The following CAMK2A variants were observed in gnomAD, a reference collection of about 807,000 sequenced individuals.
CAMK2A encodes calcium/calmodulin dependent protein kinase II alpha.
In CAMK2A, 7 loss-of-function variants were observed where a neutral mutation model predicts 79.2. That is an observed-to-expected ratio of 0.09 (90% CI 0.05 to 0.17). The LOEUF (loss-of-function observed/expected upper bound fraction) is 0.17. CAMK2A is among the 10% of genes least tolerant of loss of function. The pLI is 1.00. For synonymous variants in CAMK2A, 242 were observed against 251.7 expected (o/e 0.96, Z 0.36); for missense variants, 214 against 646.4 (o/e 0.33, Z 7.25).
chr5:150,287,649 G>A (rs1339900882), intron 1 of CAMK2A, among the ~76,000 whole-genome samples: 1 of 152,074 alleles, frequency 6.6e-6, no homozygotes, highest in Non-Finnish European at 1.5e-5. Context: ...TACTCATGAC[G>A]CAGTCCTGCC....
rs1427326823 is a variant in CAMK2A at position 150,222,283 on chromosome 5, G to A, written c.*427C>T. On this transcript the variant is annotated 3_prime_UTR_variant, in exon 19 of 19. Coordinates refer to ENST00000671881, the MANE Select transcript of CAMK2A (RefSeq NM_015981.4). ...TCATCTGCCCTTCCCCGGGGACACTGGAAGAGGAGAGGTCTGGGAGAGGGA... is the reference window on the plus strand; with the variant it reads ...TCATCTGCCCTTCCCCGGGGACACTAGAAGAGGAGAGGTCTGGGAGAGGGA... 5.2e-6 allele frequency: 3 copies of A among 579,682 alleles called. No individual in the cohort carries two copies. Among genetic ancestry groups the A allele is most frequent in the Non-Finnish European group, 9.3e-6 (3 of 323,562 alleles). 35.9% of individuals were successfully genotyped at this position (579,682 alleles called of 1,614,324 possible). A position where few individuals can be genotyped will look rare whatever the true frequency, so the allele number is the denominator to read the frequency against.
At chr5:150,248,328 T>A (rs1755664315) in intron 11 of CAMK2A, among the ~76,000 whole-genome samples, 1 of 143,808 alleles carries the variant, frequency 7.0e-6, no homozygotes. Flanking sequence ...GTTTTTTATT[T>A]TATATATATA....
intron 2 of CAMK2A, among the ~76,000 whole-genome samples, chr5:150,266,745 C>A (rs1368245713): frequency 1.3e-5 from 2 of 152,118 alleles, no homozygotes; most frequent in Non-Finnish European, 2.9e-5. Flanking sequence ...CTCCACTTGC[C>A]CCCAATTCCC....
At chr5:150,236,246 T>C (rs1257203666) in intron 15 of CAMK2A, among the ~76,000 whole-genome samples, 1 of 152,216 alleles carries the variant, frequency 6.6e-6, no homozygotes, top group Non-Finnish European at 1.5e-5. Context: ...TAATAGTGCA[T>C]ACAAATTTGG....
At chr5:150,237,939 G>T (rs1435363703) in intron 15 of CAMK2A, among the ~76,000 whole-genome samples, 1 of 151,180 alleles carries the variant, frequency 6.6e-6, no homozygotes, top group Non-Finnish European at 1.5e-5. Context: ...GGCATCTTTG[G>T]TGGGTCTTAG....
chr5:150,270,857 G>A (rs1447610923), intron 2 of CAMK2A, among the ~76,000 whole-genome samples: 1 of 152,176 alleles, frequency 6.6e-6, no homozygotes, highest in Admixed American at 6.5e-5. Flanking sequence ...TGTCCCAGGA[G>A]TGCTTAGTCA....
At chr5:150,241,759 T>A (rs1184900937) in intron 13 of CAMK2A, among the ~76,000 whole-genome samples, 1 of 143,974 alleles carries the variant, frequency 6.9e-6, no homozygotes, top group African/African-American at 2.6e-5. Context: ...TCTCTTTTCT[T>A]CCTCTCTTCT....
chr5:150,253,578 G>A (rs777013530), intron 6 of CAMK2A, 32 bp from the exon 7 acceptor site: 1 of 1,562,090 alleles, frequency 6.4e-7, no homozygotes, highest in Non-Finnish European at 8.8e-7. Flanking sequence ...GGAGGAAGGG[G>A]AGGAAAGCGC....
At chr5:150,245,046 G>C in intron 13 of CAMK2A, 115 bp downstream of exon 13, 1 of 1,029,824 alleles carries the variant, frequency 9.7e-7, no homozygotes, top group East Asian at 2.5e-5. Context: ...TGTGGCCCAC[G>C]TCTGCCCAGG....
At chr5:150,246,926 G>A (rs1453187085) in intron 12 of CAMK2A, among the ~76,000 whole-genome samples, 1 of 152,216 alleles carries the variant, frequency 6.6e-6, no homozygotes, top group African/African-American at 2.4e-5. Context: ...GGGCCCCTCG[G>A]GTGAGCTTTG....
Position 150,222,537 on chromosome 5 carries a change from G to A in CAMK2A, c.*173C>T. On this transcript the variant is annotated 3_prime_UTR_variant, in exon 19 of 19. Transcript: ENST00000671881. ...AGATGTGGCCGTTCGCTCTGAAGTT[G>A]CGATGACTTTTGTGAACAAGCAGGT... 1.3e-6 allele frequency: 1 copy of A among 750,900 alleles called. No individual in the cohort carries two copies. Among genetic ancestry groups the A allele is most frequent in the Non-Finnish European group, 2.3e-6 (1 of 426,088 alleles). The allele number at this position is 750,900 out of a possible 1,614,324, so 46.5% of individuals were successfully genotyped here.
chr5:150,245,247 C>G (rs769415666), intron 12 of CAMK2A, 46 bp from the exon 13 acceptor site: 77 of 1,590,878 alleles, frequency 4.8e-5, no homozygotes, highest in Non-Finnish European at 6.1e-5. Context: ...AGGCAGGGCA[C>G]CAGGGCCCAC....
At chr5:150,233,532 G>A (rs1481088286) in intron 15 of CAMK2A, among the ~76,000 whole-genome samples, 1 of 152,182 alleles carries the variant, frequency 6.6e-6, no homozygotes, top group Non-Finnish European at 1.5e-5. Context: ...CTCTCTCTCT[G>A]GGGACTTTCC....
chr5:150,279,397 C>G (rs1757116234), intron 1 of CAMK2A, among the ~76,000 whole-genome samples: 3 of 152,168 alleles, frequency 2.0e-5, no homozygotes, highest in Admixed American at 2.0e-4. Context: ...CCTCAGTAAG[C>G]CTGTTTCCTC....
At chr5:150,231,157 G>A (rs1009757185) in intron 16 of CAMK2A, 148 bp downstream of exon 16, 2 of 450,318 alleles carry the variant, frequency 4.4e-6, no homozygotes. Flanking sequence ...AAGTCCGGAT[G>A]CAAAATAGAA....
chr5:150,254,507 GATGATGAGGCTT>G (rs1321959459), intron 6 of CAMK2A, among the ~76,000 whole-genome samples: 1 of 152,342 alleles, frequency 6.6e-6, no homozygotes, highest in East Asian at 1.9e-4. Flanking sequence ...TAGGCTGAAA[GATGATGAGGCTT>G]ATACATGGGG....
intron 1 of CAMK2A, among the ~76,000 whole-genome samples, chr5:150,275,610 T>G (rs1048900226): frequency 7.9e-5 from 12 of 152,182 alleles, no homozygotes; most frequent in African/African-American, 2.9e-4. Flanking sequence ...CTTTTATCAT[T>G]TTCTATGATG....
chr5:150,276,358 T>G (rs114607716), intron 1 of CAMK2A, among the ~76,000 whole-genome samples: 5 of 152,106 alleles, frequency 3.3e-5, no homozygotes, highest in Non-Finnish European at 7.4e-5. Context: ...ATACCCAGCG[T>G]CTAGTGCCAA....
At chr5:150,285,974 G>A (rs142740066) in intron 1 of CAMK2A, among the ~76,000 whole-genome samples, 213 of 152,154 alleles carry the variant, frequency 1.4e-3, no homozygotes, top group African/African-American at 4.9e-3. Flanking sequence ...TGCTGCATCC[G>A]TGGCAACCCC....
Sources: gnomAD v4.1 joint callset for allele counts (sites outside exome capture counted in the v4.1 genomes callset) on GRCh38, gnomAD v4.1.1 for gene constraint, MANE v1.5 for transcripts, NCBI Gene and HGNC (gene_info 2026-07-23, HGNC 2026-07-21) for gene names.